Variants in ATXN1 observed in about 807,000 individuals in gnomAD.
ATXN1 encodes ataxin 1, also known as ataxin-1.
In ATXN1, 8 loss-of-function variants were observed where a neutral mutation model predicts 56.4. The ratio of observed to expected loss-of-function variants is 0.14; its 90% CI spans 0.08 to 0.26. The LOEUF (loss-of-function observed/expected upper bound fraction) is 0.26. Among genes scored for constraint, ATXN1 ranks in the 10% least tolerant of loss-of-function variants. The pLI is 1.00. For missense variants in ATXN1, 987 were observed against 1,106.5 expected (o/e 0.89, Z 1.53); for synonymous variants, 514 against 494.6 (o/e 1.04, Z -0.52).
intron 6 of ATXN1, among the ~76,000 whole-genome samples, chr6:16,362,181 C>G (rs1170729718): frequency 6.6e-6 from 1 of 152,184 alleles, no homozygotes; most frequent in Non-Finnish European, 1.5e-5. Context: ...CTTGCCTTCC[C>G]CTCACATTAA....
chr6:16,635,448 C>A (rs1343746077), intron 3 of ATXN1, among the ~76,000 whole-genome samples: 1 of 152,126 alleles, frequency 6.6e-6, no homozygotes, highest in Non-Finnish European at 1.5e-5. Context: ...GTCCCTGGTG[C>A]CAAAAAGGTT....
chr6:16,699,514 T>A (rs1273723598), intron 2 of ATXN1, among the ~76,000 whole-genome samples: 1 of 152,188 alleles, frequency 6.6e-6, no homozygotes, highest in Non-Finnish European at 1.5e-5. Flanking sequence ...CAAATGTTGT[T>A]TCACCATCTG....
chr6:16,423,191 ATTC>A (rs1759071441), intron 6 of ATXN1, among the ~76,000 whole-genome samples: 1 of 152,270 alleles, frequency 6.6e-6, no homozygotes, highest in South Asian at 2.1e-4. Flanking sequence ...CGACCCTGAA[ATTC>A]TTCTTTGTCA....
intron 4 of ATXN1, among the ~76,000 whole-genome samples, chr6:16,525,997 C>A (rs1030129212): frequency 1.4e-5 from 2 of 143,422 alleles, no homozygotes; most frequent in African/African-American, 5.3e-5. Flanking sequence ...TCTCCTATGC[C>A]CAAGTATACA....
intron 7 of ATXN1, among the ~76,000 whole-genome samples, chr6:16,313,558 AT>A (rs527792987): frequency 2.5e-3 from 353 of 143,402 alleles, no homozygotes; most frequent in Middle Eastern, 3.6e-3. Flanking sequence ...CGTTAATGGA[AT>A]TTTTTTTTTT....
chr6:16,558,928 T>G (rs1336279788), intron 4 of ATXN1, among the ~76,000 whole-genome samples: 2 of 149,472 alleles, frequency 1.3e-5, no homozygotes, highest in Non-Finnish European at 3.0e-5. Flanking sequence ...AAAAAAAAAG[T>G]CAATTCACAG....
At chr6:16,347,924 G>A (rs543200239) in intron 6 of ATXN1, among the ~76,000 whole-genome samples, 4 of 152,280 alleles carry the variant, frequency 2.6e-5, no homozygotes, top group East Asian at 3.9e-4. Context: ...TTCACTCTTT[G>A]GATCTATACT....
intron 2 of ATXN1, among the ~76,000 whole-genome samples, chr6:16,702,226 A>C (rs185617082): frequency 8.5e-4 from 129 of 152,288 alleles, no homozygotes; most frequent in Non-Finnish European, 1.4e-3. Flanking sequence ...CAAAAACAAG[A>C]AATGGGGAAA....
chr6:16,694,050 T>G (rs1759104105), intron 2 of ATXN1, among the ~76,000 whole-genome samples: 1 of 152,198 alleles, frequency 6.6e-6, no homozygotes, highest in South Asian at 2.1e-4. Flanking sequence ...CTACCTAAGA[T>G]GCCTACATGT....
chr6:16,638,086 G>A (rs1763632485), intron 3 of ATXN1, among the ~76,000 whole-genome samples: 1 of 152,038 alleles, frequency 6.6e-6, no homozygotes, highest in South Asian at 2.1e-4. Flanking sequence ...AGTCTGTGAG[G>A]TCTGCAGTTT....
chr6:16,660,977 C>T (rs6459478), intron 2 of ATXN1, among the ~76,000 whole-genome samples: 86,324 of 151,196 alleles, frequency 0.57, 27,350 homozygotes, highest in East Asian at 0.86. Context: ...TAGCTAGGAT[C>T]ATAGGTGCCC....
At position 16,698,692 on chromosome 6, in the gene ATXN1, G is replaced by C. The variant is rs78334148; in HGVS notation, c.-614-40791C>G. ...AAAAGATCTTCACTGAAGCTAAAAA[G>C]ACATGACCAATGAAGGAAAAGCATT... is the stretch of plus-strand genomic sequence containing the variant. On this transcript the variant is annotated intron_variant, in intron 2 of 7. Transcript: ENST00000436367. 3.4e-4 allele frequency among the ~76,000 whole-genome samples: 47 copies of C among 139,284 alleles called. 2 individuals are homozygous for C. In the East Asian group the frequency reaches 9.9e-3, roughly 29 times the overall value. The allele number at this position is 139,284 out of a possible 152,430, so 91.4% of individuals were successfully genotyped here.
chr6:16,418,056 T>C (rs1758952304), intron 6 of ATXN1, among the ~76,000 whole-genome samples: 1 of 152,232 alleles, frequency 6.6e-6, no homozygotes. Flanking sequence ...GGGTGATTAA[T>C]GGGAGCATGG....
intron 3 of ATXN1, among the ~76,000 whole-genome samples, chr6:16,607,128 C>T (rs1763025087): frequency 6.6e-6 from 1 of 152,094 alleles, no homozygotes; most frequent in African/African-American, 2.4e-5. Flanking sequence ...CCCGCCTTGG[C>T]CTCCCAAAGT....
At chr6:16,606,534 A>G (rs112904209) in intron 3 of ATXN1, among the ~76,000 whole-genome samples, 437 of 131,030 alleles carry the variant, frequency 3.3e-3, no homozygotes, top group African/African-American at 0.012. Context: ...TTTTTTTTTT[A>G]TTTTTATTTT....
At position 16,378,702 on chromosome 6, in the gene ATXN1, G is replaced by A. The variant is rs186738922; in HGVS notation, c.-160-50232C>T. 2.2e-4 allele frequency among the ~76,000 whole-genome samples: 34 copies of A among 152,098 alleles called. No homozygotes were observed. The East Asian group carries it at 5.4e-3, about 24-fold the overall frequency. On this transcript the variant is annotated intron_variant, in intron 6 of 7. Transcript: ENST00000436367. ...GCCTCCTGAGTAGCTGGGACTACAG[G>A]TGCACACCACCACCCCTGGCTAATT...
intron 4 of ATXN1, among the ~76,000 whole-genome samples, chr6:16,584,171 T>C (rs1762575781): frequency 6.7e-6 from 1 of 148,394 alleles, no homozygotes; most frequent in African/African-American, 2.4e-5. Flanking sequence ...CTACAGCTTT[T>C]CCATCATATG....
intron 4 of ATXN1, among the ~76,000 whole-genome samples, chr6:16,546,488 C>T (rs1761817081): frequency 6.6e-6 from 1 of 152,094 alleles, no homozygotes; most frequent in African/African-American, 2.4e-5. Context: ...TCCCTTCAGA[C>T]GTTTTTAACT....
intron 3 of ATXN1, among the ~76,000 whole-genome samples, chr6:16,634,570 C>T (rs561343463): frequency 7.9e-5 from 12 of 152,276 alleles, no homozygotes; most frequent in Middle Eastern, 3.4e-3. Context: ...CATTAGCAGT[C>T]ACTCTGCATT....
Sources: allele counts gnomAD v4.1 joint callset (sites outside exome capture counted in the v4.1 genomes callset), GRCh38; gene constraint gnomAD v4.1.1; transcripts MANE v1.5; gene names NCBI Gene and HGNC (gene_info 2026-07-23, HGNC 2026-07-21).